The following GRXCR2 variants were observed in gnomAD, a reference collection of about 807,000 sequenced individuals.
The protein encoded by GRXCR2 is glutaredoxin domain-containing cysteine-rich protein 2.
In GRXCR2, 23 loss-of-function variants were observed where a neutral mutation model predicts 24.8. The observed-to-expected ratio is 0.93, with a 90% CI of 0.67 to 1.32. The LOEUF (loss-of-function observed/expected upper bound fraction) is 1.32. Ranked by LOEUF, GRXCR2 falls within the 40% of genes most tolerant of loss-of-function variation. GRXCR2 has a pLI of 0.00. For missense variants in GRXCR2, 315 were observed against 303.4 expected (o/e 1.04, Z -0.28); for synonymous variants, 130 against 116.1 (o/e 1.12, Z -0.77).
upstream of GRXCR2, among the ~76,000 whole-genome samples, chr5:145,875,094 T>C (rs1020050366): frequency 1.3e-5 from 2 of 152,216 alleles, no homozygotes; most frequent in African/African-American, 2.4e-5. Context: ...ACTGTGAACA[T>C]CTTGCAGTCA....
chr5:145,888,950 G>A (rs539503734), intron 2 of GRXCR2, among the ~76,000 whole-genome samples: 76 of 152,158 alleles, frequency 5.0e-4, no homozygotes, highest in Admixed American at 1.2e-3. Flanking sequence ...GAGGTGGGCA[G>A]GTCACTTGAG....
At chr5:145,880,284 T>C (rs1265985924) in intron 2 of GRXCR2, among the ~76,000 whole-genome samples, 1 of 151,848 alleles carries the variant, frequency 6.6e-6, no homozygotes, top group Non-Finnish European at 1.5e-5. Flanking sequence ...ATCAACAAAA[T>C]TGATAGACCG....
chr5:145,874,013 GGAA>G (rs1051879377), upstream of GRXCR2, among the ~76,000 whole-genome samples: 1 of 152,154 alleles, frequency 6.6e-6, no homozygotes, highest in African/African-American at 2.4e-5. Context: ...AGACAAGGAT[GGAA>G]GAAGGTTTGT....
rs772431701 is a variant in GRXCR2, at chr5:145,866,600, C to T, written c.465G>A (p.Glu155=). 1.9e-6 allele frequency: 3 copies of T among 1,613,994 alleles called. No individual in the cohort carries two copies. The highest frequency in any genetic ancestry group is 4.5e-5 in the East Asian group (2 of 44,900). Residue 155 remains glutamate (E), a synonymous_variant, in exon 2 of 3, where the codon GAG becomes GAA. Transcript: ENST00000377976. ...AGCTTTCTTCTTTGTTCATCAGAGACTCTTCCTCAGCCTCCTCTTCCTTCT... is the reference window on the plus strand; with the variant it reads ...AGCTTTCTTCTTTGTTCATCAGAGATTCTTCCTCAGCCTCCTCTTCCTTCT... ...ILQKEEEAEE[E]SLMNKEESYG... is the part of the protein sequence containing the mutation.
chr5:145,892,324 CAAACTACTCTGAGCTAA>C (rs1008502820), intron 2 of GRXCR2, among the ~76,000 whole-genome samples: 3 of 152,102 alleles, frequency 2.0e-5, no homozygotes, highest in African/African-American at 7.2e-5. Flanking sequence ...TTCAGATGAT[CAAACTACTCTGAGCTAA>C]AGAAGGAAGT....
intron 2 of GRXCR2, among the ~76,000 whole-genome samples, chr5:145,909,237 A>G (rs1757131168): frequency 1.3e-5 from 2 of 152,378 alleles, no homozygotes; most frequent in East Asian, 1.9e-4. Context: ...TACTACTGCC[A>G]TATTATAGCT....
At chr5:145,927,998 A>C (rs1757425429) in intron 2 of GRXCR2, among the ~76,000 whole-genome samples, 1 of 152,108 alleles carries the variant, frequency 6.6e-6, no homozygotes, top group East Asian at 1.9e-4. Context: ...TTTGCAATCT[A>C]CTCATCTGAC....
At chr5:145,926,440 A>G (rs963766603) in intron 2 of GRXCR2, among the ~76,000 whole-genome samples, 3 of 152,164 alleles carry the variant, frequency 2.0e-5, no homozygotes, top group East Asian at 3.8e-4. Context: ...TCAGCTTTCT[A>G]CATATGGCTA....
At chr5:145,889,112 C>A (rs563887373) in intron 2 of GRXCR2, among the ~76,000 whole-genome samples, 4 of 150,186 alleles carry the variant, frequency 2.7e-5, no homozygotes, top group African/African-American at 9.8e-5. Flanking sequence ...TGCAGTGAGC[C>A]GAGATCGCAC....
At chr5:145,898,957 C>A (rs1418313596) in intron 2 of GRXCR2, among the ~76,000 whole-genome samples, 2 of 152,040 alleles carry the variant, frequency 1.3e-5, no homozygotes, top group African/African-American at 4.8e-5. Context: ...AATAGGAAGA[C>A]AGAAAGTCAA....
At chr5:145,920,279 G>A (rs1757304846) in intron 2 of GRXCR2, among the ~76,000 whole-genome samples, 1 of 152,140 alleles carries the variant, frequency 6.6e-6, no homozygotes, top group South Asian at 2.1e-4. Context: ...ATCCACATCA[G>A]CATCGCCTGA....
At chr5:145,913,874 A>T (rs1757198409) in intron 2 of GRXCR2, among the ~76,000 whole-genome samples, 1 of 152,228 alleles carries the variant, frequency 6.6e-6, no homozygotes, top group Admixed American at 6.5e-5. Flanking sequence ...GTGGATTCGC[A>T]GAATTACAAC....
downstream of GRXCR2, among the ~76,000 whole-genome samples, chr5:145,858,152 A>G (rs1340050650): frequency 6.6e-6 from 1 of 152,060 alleles, no homozygotes; most frequent in Non-Finnish European, 1.5e-5. Flanking sequence ...CGTCTCTACT[A>G]AAAATACAAA....
Position 145,858,879 on chromosome 5 carries a change from A to G in GRXCR2, c.*854T>C, listed in dbSNP as rs549859761. 22 of 152,312 alleles carry G rather than the reference A, an allele frequency of 1.4e-4. No individual in the cohort carries two copies. The highest frequency in any genetic ancestry group is 4.8e-4 in the African/African-American group (20 of 41,566). 9.4% of individuals were successfully genotyped at this position (152,312 alleles called of 1,614,324 possible). On this transcript the variant is annotated 3_prime_UTR_variant, in exon 3 of 3. Coordinates refer to ENST00000377976, the MANE Select transcript of GRXCR2 (RefSeq NM_001080516.2). ...TAATTTTTTTCTTTTAGAGATTTCCAGTAGGTAATCTATAAAATACCTGCA... is the reference window on the plus strand; with the variant it reads ...TAATTTTTTTCTTTTAGAGATTTCCGGTAGGTAATCTATAAAATACCTGCA...
At chr5:145,876,281 CTTT>C (rs533734278), upstream of GRXCR2, among the ~76,000 whole-genome samples, 1 of 127,864 alleles carries the variant, frequency 7.8e-6, no homozygotes, top group Non-Finnish European at 1.7e-5. Flanking sequence ...TATTATTTTC[CTTT>C]TTTTTTTTTT....
intron 2 of GRXCR2, among the ~76,000 whole-genome samples, chr5:145,903,652 T>C (rs1757054774): frequency 6.6e-6 from 1 of 152,102 alleles, no homozygotes; most frequent in Non-Finnish European, 1.5e-5. Flanking sequence ...TTTGAGTAAA[T>C]AAACTCTGAA....
At chr5:145,865,965 C>T (rs1756421614) in intron 2 of GRXCR2, among the ~76,000 whole-genome samples, 1 of 141,562 alleles carries the variant, frequency 7.1e-6, no homozygotes, top group Non-Finnish European at 1.5e-5. Context: ...TGGTGAAACC[C>T]CATCTCTATT....
chr5:145,884,770 G>A (rs909169078), intron 2 of GRXCR2, among the ~76,000 whole-genome samples: 1 of 151,722 alleles, frequency 6.6e-6, no homozygotes, highest in Non-Finnish European at 1.5e-5. Flanking sequence ...TGGGAGTTGG[G>A]AAAAAAAATA....
At position 145,907,554 on chromosome 5, in the gene GRXCR2, T is replaced by A. The variant is rs913602143; in HGVS notation, c.-70+28147A>T. Among the ~76,000 whole-genome samples the A allele has an allele frequency of 4.6e-5, 7 of 151,250 alleles. No individual in the cohort carries two copies. In the East Asian group the frequency reaches 1.4e-3, roughly 29 times the overall value. ...AAAAAAAAAAAAGTAATAATAATAA[T>A]AAAATGATCGCTCTGGCTGCCACAT... On this transcript the variant is annotated intron_variant, in intron 2 of 3. Transcript: ENST00000639411.
Sources: allele counts gnomAD v4.1 joint callset (sites outside exome capture counted in the v4.1 genomes callset), GRCh38; gene constraint gnomAD v4.1.1; transcripts MANE v1.5; gene names NCBI Gene and HGNC (gene_info 2026-07-23, HGNC 2026-07-21).